ATP11C: variants seen among roughly 807,000 people sequenced by gnomAD.
ATP11C encodes the protein ATPase phospholipid transporting 11C (ATP11C blood group), also known as phospholipid-transporting ATPase IG.
In ATP11C, 36 loss-of-function variants were observed where a neutral mutation model predicts 97.4. The observed-to-expected ratio is 0.37, with a 90% CI of 0.28 to 0.49. ATP11C has a LOEUF of 0.49. ATP11C is among the 20% of genes least tolerant of loss of function. The pLI is 0.98. For missense variants in ATP11C, 730 were observed against 824.6 expected, an observed-to-expected ratio of 0.89 and a Z score of 1.40; for synonymous variants, 275 against 290.9, an observed-to-expected ratio of 0.95 and a Z score of 0.56.
chrX:139,840,086 A>G (rs996694838), intron 1 of ATP11C, among the ~76,000 whole-genome samples: 1 of 112,133 alleles, frequency 8.9e-6, no homozygotes, highest in African/African-American at 3.2e-5. Flanking sequence ...ATTTACAATG[A>G]GCAAAGCAAA....
chrX:139,927,851 A>T (rs1242849659), intron 1 of ATP11C, among the ~76,000 whole-genome samples: 2 of 111,845 alleles, frequency 1.8e-5, no homozygotes, highest in Non-Finnish European at 3.8e-5. Flanking sequence ...AACTAACAAG[A>T]ACTCATTCTT....
chrX:139,919,283 T>C (rs1296818591), intron 1 of ATP11C, among the ~76,000 whole-genome samples: 1 of 108,390 alleles, frequency 9.2e-6, no homozygotes, highest in East Asian at 2.9e-4. Flanking sequence ...CTCTCACCTA[T>C]AATCCCAGGA....
chrX:139,901,793 C>G (rs1161720880), intron 1 of ATP11C, among the ~76,000 whole-genome samples: 2 of 111,436 alleles, frequency 1.8e-5, no homozygotes, highest in Non-Finnish European at 3.8e-5. Flanking sequence ...GTAGAATGGG[C>G]AACTGAAACC....
rs934664774 is a variant in ATP11C, at chrX:139,853,833, C to CAAAA, written c.28-27014_28-27011dup. On this transcript the variant is annotated intron_variant, in intron 1 of 29. Transcript: ENST00000682941. The stretch of plus-strand genomic sequence containing the variant: ...TCACCAGTTCAGAACTATCCTAAGT[C>CAAAA]AAAAAAAAAAAAAAAAAAAAAAAAA... Among the ~76,000 whole-genome samples, 31 of 21,270 alleles carry CAAAA rather than the reference C, an allele frequency of 1.5e-3. 3 individuals carry two copies. The highest frequency in any genetic ancestry group is 1.7e-3 in the African/African-American group (10 of 5,799). The allele number at this position is 21,270 out of a possible 115,157, so 18.5% of individuals were successfully genotyped here.
At position 139,893,526 on chromosome X, in the gene ATP11C, G is replaced by A. The variant is rs137964728; in HGVS notation, c.27+38490C>T. Reference sequence around the variant, plus strand: ...TCCCCAACTATATATGAAACGTTTTGTGGGAAAATCAGATTCCTCTTACAT... The same window carrying A: ...TCCCCAACTATATATGAAACGTTTTATGGGAAAATCAGATTCCTCTTACAT... On this transcript the variant is annotated intron_variant, in intron 1 of 29. Transcript: ENST00000682941. Among the ~76,000 whole-genome samples the A allele has an allele frequency of 5.5e-3, 617 of 112,010 alleles. 11 individuals are homozygous for A. The highest frequency in any genetic ancestry group is 0.018 in the African/African-American group (564 of 30,840).
chrX:139,746,416 T>C (rs2081687176), intron 24 of ATP11C, among the ~76,000 whole-genome samples: 4 of 111,892 alleles, frequency 3.6e-5, no homozygotes, highest in Admixed American at 1.9e-4. Flanking sequence ...ATGTGCAGTA[T>C]AGTCTGGGAA....
chrX:139,934,365 C>T (rs911326388), upstream of ATP11C, among the ~76,000 whole-genome samples: 7 of 110,650 alleles, frequency 6.3e-5, no homozygotes, highest in South Asian at 3.9e-4. Context: ...TTCAATTCTT[C>T]CCCTCTTATG....
chrX:139,919,444 AACACACACACACACACACACACACAC>A (rs370999462), intron 1 of ATP11C, among the ~76,000 whole-genome samples: 3 of 73,947 alleles, frequency 4.1e-5, no homozygotes, highest in Non-Finnish European at 5.2e-5. Flanking sequence ...CTCAAACTTA[AACACACACACACACACACACACACAC>A]ACACACACAC....
chrX:139,772,295 C>T (rs1029959223), intron 19 of ATP11C, among the ~76,000 whole-genome samples: 2 of 112,424 alleles, frequency 1.8e-5, no homozygotes, highest in African/African-American at 6.5e-5. Flanking sequence ...TGTATGGAAA[C>T]GTGTGGATGT....
intron 25 of ATP11C, among the ~76,000 whole-genome samples, chrX:139,744,483 T>G (rs941146929): frequency 3.6e-5 from 4 of 112,028 alleles, no homozygotes; most frequent in Non-Finnish European, 7.5e-5. Context: ...CCTGGAAAGT[T>G]TGCTGAGCAA....
intron 1 of ATP11C, among the ~76,000 whole-genome samples, chrX:139,833,776 T>C (rs765107419): frequency 9.0e-6 from 1 of 111,314 alleles, no homozygotes; most frequent in Non-Finnish European, 1.9e-5. Flanking sequence ...GTTATGACTC[T>C]GAGAAATATT....
intron 18 of ATP11C, among the ~76,000 whole-genome samples, chrX:139,777,760 G>A (rs189312567): frequency 1.0e-4 from 11 of 110,464 alleles, no homozygotes; most frequent in African/African-American, 3.6e-4. Context: ...AATCTTAAAG[G>A]CAGCTAGATA....
chrX:139,805,998 T>A (rs2083033678), intron 5 of ATP11C, among the ~76,000 whole-genome samples: 1 of 112,208 alleles, frequency 8.9e-6, no homozygotes, highest in Admixed American at 9.5e-5. Context: ...AGAAGAGAGA[T>A]AACAAACAGA....
At chrX:139,795,514 A>G (rs1213635172) in intron 12 of ATP11C, among the ~76,000 whole-genome samples, 3 of 111,815 alleles carry the variant, frequency 2.7e-5, no homozygotes, top group Non-Finnish European at 5.6e-5. Flanking sequence ...CAGTCTTGAC[A>G]TTCTAAATGT....
intron 1 of ATP11C, among the ~76,000 whole-genome samples, chrX:139,854,453 G>A (rs747994262): frequency 9.1e-6 from 1 of 109,786 alleles, no homozygotes; most frequent in South Asian, 3.7e-4. Context: ...ATCACCTTTA[G>A]GAAAAAAAAG....
intron 3 of ATP11C, 73 bp from the exon 4 acceptor site, chrX:139,817,016 C>T (rs112510192): frequency 1.7e-6 from 1 of 577,998 alleles, no homozygotes; most frequent in Non-Finnish European, 2.7e-6. Flanking sequence ...TTACATGCTG[C>T]AAACATTTCA....
In ATP11C at chrX:139,921,049, G is replaced by A. The variant is rs1430053338; in HGVS notation, c.27+10967C>T. Among the ~76,000 whole-genome samples the A allele has an allele frequency of 2.7e-5, 3 of 111,691 alleles. No homozygotes were observed. The Admixed American group carries it at 2.9e-4, about 11-fold the overall frequency. ...CTAGGTTTTTAGCTTGAGCTACTAG[G>A]AGGGGGATGGTGCCATTTACTGAAC... On this transcript the variant is annotated intron_variant, in intron 1 of 29. Coordinates refer to ENST00000682941, the MANE Select transcript of ATP11C (RefSeq NM_001353812.2).
intron 5 of ATP11C, among the ~76,000 whole-genome samples, chrX:139,806,746 T>C (rs1379732651): frequency 9.0e-6 from 1 of 111,537 alleles, no homozygotes; most frequent in African/African-American, 3.3e-5. Flanking sequence ...CCTTTCTCAC[T>C]GGCACGGGCA....
At chrX:139,910,674 C>T (rs2085059660) in intron 1 of ATP11C, among the ~76,000 whole-genome samples, 2 of 110,116 alleles carry the variant, frequency 1.8e-5, no homozygotes, top group African/African-American at 3.3e-5. Flanking sequence ...TCATTAAAAA[C>T]GGCTAACTTG....
Sources: allele counts gnomAD v4.1 joint callset (sites outside exome capture counted in the v4.1 genomes callset), GRCh38; gene constraint gnomAD v4.1.1; transcripts MANE v1.5; gene names NCBI Gene and HGNC (gene_info 2026-07-23, HGNC 2026-07-21).